Variants in SGMS1 observed in about 807,000 individuals in gnomAD.
SGMS1 encodes phosphatidylcholine:ceramide cholinephosphotransferase 1.
A neutral mutation model predicts 46.2 loss-of-function variants in SGMS1; 13 were observed. The observed-to-expected ratio is 0.28, with a 90% confidence interval of 0.18 to 0.45. The LOEUF is 0.45. Ranked by LOEUF, SGMS1 falls within the 20% of genes least tolerant of loss-of-function variation. The probability of loss-of-function intolerance (pLI) is 1.00; values close to 1 mark genes in which losing one functional copy is unlikely to be tolerated. For synonymous variants in SGMS1, 203 were observed against 187.8 expected (o/e 1.08, Z -0.66); for missense variants, 324 against 519.9 (o/e 0.62, Z 3.66).
chr10:50,334,532 A>T (rs1847683072), intron 7 of SGMS1: 1 of 152,178 alleles, frequency 6.6e-6, no homozygotes, highest in Admixed American at 6.5e-5. Flanking sequence ...GGGCTAAGGG[A>T]TTATCCTTAA....
chr10:50,331,399 C>G (rs1001214138), intron 7 of SGMS1, among the ~76,000 whole-genome samples: 3 of 152,238 alleles, frequency 2.0e-5, no homozygotes, highest in African/African-American at 4.8e-5. Context: ...TGAGTATTTA[C>G]AGCTGAGCCA....
intron 7 of SGMS1, among the ~76,000 whole-genome samples, chr10:50,330,035 T>C (rs539674257): frequency 6.6e-6 from 1 of 152,354 alleles, no homozygotes; most frequent in Admixed American, 6.5e-5. Flanking sequence ...TAGCATGTTA[T>C]GTCAAGTACA....
intron 6 of SGMS1, among the ~76,000 whole-genome samples, chr10:50,371,799 G>A (rs1848439887): frequency 1.3e-5 from 2 of 152,198 alleles, no homozygotes; most frequent in African/African-American, 4.8e-5. Context: ...CTGGCATCTA[G>A]TGAGGGCCCT....
intron 2 of SGMS1, among the ~76,000 whole-genome samples, chr10:50,540,914 T>G (rs754789051): frequency 7.2e-5 from 11 of 152,182 alleles, no homozygotes; most frequent in Admixed American, 1.3e-4. Flanking sequence ...GAATAGCAAC[T>G]GCAGTCACCC....
intron 2 of SGMS1, among the ~76,000 whole-genome samples, chr10:50,528,779 G>A (rs1837927258): frequency 6.6e-6 from 1 of 152,166 alleles, no homozygotes; most frequent in Non-Finnish European, 1.5e-5. Context: ...AGAATAGCTT[G>A]AGCCCAGGAG....
chr10:50,409,846 C>G (rs1221807524), intron 6 of SGMS1, among the ~76,000 whole-genome samples: 2 of 152,148 alleles, frequency 1.3e-5, no homozygotes, highest in Non-Finnish European at 2.9e-5. Flanking sequence ...GTACCACAGG[C>G]TCTGGAACCC....
At chr10:50,382,741 A>G (rs1848625644) in intron 6 of SGMS1, among the ~76,000 whole-genome samples, 2 of 152,130 alleles carry the variant, frequency 1.3e-5, no homozygotes, top group African/African-American at 4.8e-5. Flanking sequence ...CTCAAAAACC[A>G]TCCCTGAAAT....
chr10:50,535,952 TA>T (rs1837997082), intron 2 of SGMS1, among the ~76,000 whole-genome samples: 1 of 152,192 alleles, frequency 6.6e-6, no homozygotes, highest in South Asian at 2.1e-4. Flanking sequence ...TTCATTTTTA[TA>T]CATTCTTCTT....
In SGMS1 at chr10:50,458,339, C is replaced by CTT. The variant is rs750349777; in HGVS notation, c.-313+2332_-313+2333dup. Among the ~76,000 whole-genome samples, 610 of 97,056 alleles carry CTT rather than the reference C, an allele frequency of 6.3e-3. 47 individuals are homozygous for CTT. Among genetic ancestry groups the CTT allele is most frequent in the African/African-American group, 0.022 (504 of 23,410 alleles). 63.7% of individuals were successfully genotyped at this position (97,056 alleles called of 152,430 possible). On this transcript the variant is annotated intron_variant, in intron 5 of 10. Transcript: ENST00000361781. ...TCTGGCTCTGCTATTTTCTTTTTCT[C>CTT]TTTTTTTTTTTTTTTTTTTTTTTTT...
intron 7 of SGMS1, chr10:50,334,451 C>T (rs531836148): frequency 1.3e-5 from 2 of 152,252 alleles, no homozygotes; most frequent in South Asian, 4.2e-4. Flanking sequence ...AAAACTTAAC[C>T]ACCTTGAGTC....
At chr10:50,576,116 C>T (rs1385180486) in intron 2 of SGMS1, among the ~76,000 whole-genome samples, 1 of 152,018 alleles carries the variant, frequency 6.6e-6, no homozygotes, top group African/African-American at 2.4e-5. Flanking sequence ...ATGGGAACCA[C>T]ACCAACCACC....
intron 6 of SGMS1, 47 bp from the exon 7 acceptor site, chr10:50,344,392 C>T (rs1387627230): frequency 5.1e-6 from 2 of 393,048 alleles, no homozygotes; most frequent in Admixed American, 4.1e-5. Context: ...TCCAAATTAC[C>T]CCTCTCAAAA....
intron 2 of SGMS1, among the ~76,000 whole-genome samples, chr10:50,537,145 C>T (rs568663177): frequency 3.9e-5 from 6 of 152,216 alleles, no homozygotes; most frequent in African/African-American, 1.4e-4. Context: ...AACTGAATGA[C>T]TGATACATAT....
At chr10:50,487,985 T>TTTTA (rs3054268) in intron 3 of SGMS1, among the ~76,000 whole-genome samples, 17,949 of 138,942 alleles carry the variant, frequency 0.13, 1,237 homozygotes, top group East Asian at 0.17. Context: ...TTTGTTTTTA[T>TTTTA]TTTATTTATT....
At chr10:50,462,180 T>C (rs1190838479) in intron 4 of SGMS1, among the ~76,000 whole-genome samples, 3 of 152,116 alleles carry the variant, frequency 2.0e-5, no homozygotes, top group Non-Finnish European at 1.5e-5. Context: ...GAGAATCACT[T>C]GAGCCCAGGA....
At chr10:50,399,570 C>A (rs1848900137) in intron 6 of SGMS1, among the ~76,000 whole-genome samples, 1 of 152,076 alleles carries the variant, frequency 6.6e-6, no homozygotes, top group African/African-American at 2.4e-5. Flanking sequence ...AAGTGCTTAG[C>A]AGAACAATGC....
intron 2 of SGMS1, among the ~76,000 whole-genome samples, chr10:50,573,325 G>A (rs1588880934): frequency 1.3e-5 from 2 of 152,180 alleles, no homozygotes; most frequent in East Asian, 3.9e-4. Context: ...AAACCCTAAA[G>A]ATCCTACCAA....
At chr10:50,583,965 A>G (rs948386177) in intron 2 of SGMS1, among the ~76,000 whole-genome samples, 6 of 152,202 alleles carry the variant, frequency 3.9e-5, no homozygotes, top group African/African-American at 1.4e-4. Flanking sequence ...AGAACAAGGA[A>G]TCTGGCCTAT....
At chr10:50,519,404 C>T (rs1352735975) in intron 3 of SGMS1, among the ~76,000 whole-genome samples, 4 of 152,186 alleles carry the variant, frequency 2.6e-5, no homozygotes, top group East Asian at 1.9e-4. Context: ...TCTTCCAGGA[C>T]GAAAGCCTCC....
Sources: allele counts gnomAD v4.1 joint callset (sites outside exome capture counted in the v4.1 genomes callset), GRCh38; gene constraint gnomAD v4.1.1; transcripts MANE v1.5; gene names NCBI Gene and HGNC (gene_info 2026-07-23, HGNC 2026-07-21).